The following SEC16A variants were observed in gnomAD, a reference collection of about 807,000 sequenced individuals.
SEC16A encodes protein transport protein Sec16A.
In SEC16A, 110 loss-of-function variants were observed where a neutral mutation model predicts 221.9. That is an observed-to-expected ratio of 0.50 (90% CI 0.42 to 0.58). The LOEUF (loss-of-function observed/expected upper bound fraction) is 0.58. Ranked by LOEUF, SEC16A falls within the 20% of genes least tolerant of loss-of-function variation. The pLI is 0.00. For missense variants in SEC16A, 3,165 were observed against 3,097.8 expected, an observed-to-expected ratio of 1.02 and a Z score of -0.52; for synonymous variants, 1,393 against 1,257.7, an observed-to-expected ratio of 1.11 and a Z score of -2.28.
chr9:136,465,984 G>C lies in SEC16A; in HGVS notation c.4281C>G (p.Thr1427=), dbSNP rs776846982. The C allele has an allele frequency of 6.2e-7, 1 of 1,613,328 alleles. No individual in the cohort carries two copies. The highest frequency in any genetic ancestry group is 1.3e-5 in the African/African-American group (1 of 75,058). The part of the protein sequence containing the change: ...GFPEYGYPAD[T]VWPAMEQVSS... ...CACCTTGCTCCATGGCAGGCCAGACGGTGTCGGCAGGGTAGCCATACTCTG... is the reference window on the plus strand; with the variant it reads ...CACCTTGCTCCATGGCAGGCCAGACCGTGTCGGCAGGGTAGCCATACTCTG... The change falls in exon 8 of 32, where the codon ACC becomes ACG. Residue 1427 remains threonine, a synonymous_variant. Coordinates refer to ENST00000684901, the MANE Select transcript of SEC16A (RefSeq NM_014866.2).
At position 136,476,781 on chromosome 9, in the gene SEC16A, C is replaced by T. The variant is rs770716419; in HGVS notation, c.835G>A (p.Gly279Arg). ...TGCAAGTGGCTCACCTCGTCTCTTC[C>T]GTCACTGGGCAAGGCTGCTGGGGGA... ...VAPPAALPSDGRDEVSHLQSG... is the reference protein window; with the variant it reads ...VAPPAALPSDRRDEVSHLQSG... Residue 279 changes from glycine (G) to arginine (R), a missense_variant, in exon 3 of 32, where the codon GGA becomes AGA. Coordinates refer to ENST00000684901, the MANE Select transcript of SEC16A (RefSeq NM_014866.2). 24 of 1,611,352 alleles carry T rather than the reference C, an allele frequency of 1.5e-5. No homozygotes were observed. The highest frequency in any genetic ancestry group is 1.7e-4 in the Middle Eastern group (1 of 6,034).
chr9:136,446,614 C>T (rs898278115), intron 28 of SEC16A, among the ~76,000 whole-genome samples: 1 of 152,170 alleles, frequency 6.6e-6, no homozygotes, highest in Non-Finnish European at 1.5e-5. Context: ...AGCACATTCA[C>T]CGTGCTGAGC....
In SEC16A at chr9:136,447,511, C is replaced by T; in HGVS notation, c.6559+58G>A. ...CCACGCACAACAGCTACACATTGGC[C>T]TCTCTCTCTGGGACAGTTAATCGTT... is the stretch of plus-strand genomic sequence containing the variant. On this transcript the variant is annotated intron_variant, in intron 26 of 31. Coordinates refer to ENST00000684901, the MANE Select transcript of SEC16A (RefSeq NM_014866.2). The surrounding 1 kb of genome is among the most constrained non-coding windows in gnomAD (Gnocchi z 5.5). 3.2e-6 allele frequency: 5 copies of T among 1,542,690 alleles called. No individual in the cohort carries two copies. Among genetic ancestry groups the T allele is most frequent in the Non-Finnish European group, 4.5e-6 (5 of 1,120,926 alleles).
rs141400933 is a variant in SEC16A at position 136,447,456 on chromosome 9, C to T, written c.6560-92G>A. The T allele has an allele frequency of 1.6e-4, 255 of 1,566,364 alleles. 1 individual carries two copies. The highest frequency in any genetic ancestry group is 1.0e-3 in the Middle Eastern group (6 of 6,006). On this transcript the variant is annotated intron_variant, in intron 26 of 31. Coordinates refer to ENST00000684901, the MANE Select transcript of SEC16A (RefSeq NM_014866.2). This position sits in a 1 kb window ranked among gnomAD's most constrained non-coding sequence, Gnocchi z 5.5. ...CGCTCACTGCGTCAGAGGAAAAGCA[C>T]GCAGGGACGTGCGGGAAGCCACCTC...
intron 20 of SEC16A, among the ~76,000 whole-genome samples, chr9:136,455,274 G>A (rs1022617941): frequency 2.0e-5 from 3 of 152,212 alleles, no homozygotes; most frequent in African/African-American, 4.8e-5. Context: ...CGAGGGCGCC[G>A]CCCAGACACG....
intron 3 of SEC16A, among the ~76,000 whole-genome samples, chr9:136,472,998 A>G (rs1841087412): frequency 6.6e-6 from 1 of 152,242 alleles, no homozygotes; most frequent in South Asian, 2.1e-4. Context: ...GCAGAGCTGA[A>G]TGTCCTTGTA....
chr9:136,463,165 A>G (rs1414222359), intron 11 of SEC16A, 33 bp from the exon 12 acceptor site: 1 of 1,602,388 alleles, frequency 6.2e-7, no homozygotes, highest in South Asian at 1.1e-5. Flanking sequence ...GAAGGAGAAC[A>G]ACGGCTCTCA....
At chr9:136,456,190 G>A (rs750297204) in intron 18 of SEC16A, 24 bp from the exon 19 acceptor site, 2 of 1,573,014 alleles carry the variant, frequency 1.3e-6, no homozygotes, top group Middle Eastern at 2.3e-4. Flanking sequence ...AAAATCAAAG[G>A]CCCCTGTCAC....
At chr9:136,464,677 C>T in intron 8 of SEC16A, 115 bp from the exon 9 acceptor site, 1 of 926,588 alleles carries the variant, frequency 1.1e-6, no homozygotes, top group Non-Finnish European at 1.6e-6. Context: ...TCACGACAGA[C>T]TTCCAACTCA....
In SEC16A at chr9:136,466,615, G is replaced by A. The variant is rs774251867; in HGVS notation, c.3930-153C>T. 2.0e-5 allele frequency among the ~76,000 whole-genome samples: 3 copies of A among 152,200 alleles called. No homozygotes were observed. Among genetic ancestry groups the A allele is most frequent in the Non-Finnish European group, 4.4e-5 (3 of 68,034 alleles). On this transcript the variant is annotated intron_variant, in intron 6 of 31. Coordinates refer to ENST00000684901, the MANE Select transcript of SEC16A (RefSeq NM_014866.2). This position sits in a 1 kb window ranked among gnomAD's most constrained non-coding sequence, Gnocchi z 5.5. ...CACTCAGGGCCCTCTGACGTGCAAC[G>A]TTAGAGAAGTACTGCGAATGCGTCT...
chr9:136,484,310 C>T, upstream of SEC16A: 1 of 1,083,714 alleles, frequency 9.2e-7, no homozygotes, highest in Non-Finnish European at 1.1e-6. Context: ...GGTAGGCGCT[C>T]CTGTGCCTGC....
At position 136,463,126 on chromosome 9, in the gene SEC16A, C is replaced by T; in HGVS notation, c.4654G>A (p.Val1552Ile). ...VLLCRQNGTV[V>I]GTDIAELLLR... ...AGAAGCTCCGCAATGTCGGTCCCTA[C>T]CACGGTCTGTTTGGGTCAACAGGAA... Residue 1552 changes from valine to isoleucine, a missense_variant, in exon 12 of 32, where the codon GTA becomes ATA. Transcript: ENST00000684901. 1 of 1,609,604 alleles carries T rather than the reference C, an allele frequency of 6.2e-7. No homozygotes were observed. The highest frequency in any genetic ancestry group is 8.5e-7 in the Non-Finnish European group (1 of 1,179,846).
Position 136,458,969 on chromosome 9 carries a change from T to G in SEC16A, c.5409+165A>C, listed in dbSNP as rs181969648. Among the ~76,000 whole-genome samples, 3 of 152,276 alleles carry G rather than the reference T, an allele frequency of 2.0e-5. No individual in the cohort carries two copies. The East Asian group carries it at 5.8e-4, about 29-fold the overall frequency. On this transcript the variant is annotated intron_variant, in intron 17 of 31. Transcript: ENST00000684901. ...AACGGAAAGCCTCAATTCAATGGGATCTTGTTTCTTAGCATTTTAGATCAA... is the reference window on the plus strand; with the variant it reads ...AACGGAAAGCCTCAATTCAATGGGAGCTTGTTTCTTAGCATTTTAGATCAA...
chr9:136,447,635 G>A lies in SEC16A; in HGVS notation c.6493C>T (p.Gln2165Ter). Residue 2165 changes from glutamine (Q) to a stop codon, truncating the protein, a stop_gained, in exon 26 of 32, where the codon CAA becomes TAA. Coordinates refer to ENST00000684901, the MANE Select transcript of SEC16A (RefSeq NM_014866.2). LOFTEE classifies it high-confidence loss of function. This position sits in a 1 kb window ranked among gnomAD's most constrained non-coding sequence, Gnocchi z 5.5. ...CCTGGGAGGGCAGGCGGGGCAGCTTGCACAGTCTTGGGCATCGAGGTTGGA... is the reference window on the plus strand; with the variant it reads ...CCTGGGAGGGCAGGCGGGGCAGCTTACACAGTCTTGGGCATCGAGGTTGGA... ...PPPTSMPKTV[Q>*]AAPPALPGPP... The A allele has an allele frequency of 6.2e-7, 1 of 1,613,794 alleles. No individual in the cohort carries two copies. The highest frequency in any genetic ancestry group is 8.5e-7 in the Non-Finnish European group (1 of 1,179,750).
rs1424485733 is a variant in SEC16A at position 136,463,704 on chromosome 9, G to A, written c.4483C>T (p.Arg1495Trp). ...TTGGCCAGGGGTCCCGGGAACGCCCGCATCTCCTCCTGCTCAGACGTGTGC... is the reference window on the plus strand; with the variant it reads ...TTGGCCAGGGGTCCCGGGAACGCCCACATCTCCTCCTGCTCAGACGTGTGC... ...LQHTSEQEEM[R>W]AFPGPLAKDD... The change falls in exon 10 of 32, where the codon CGG (arginine) becomes TGG (tryptophan). Residue 1495 changes from arginine (R) to tryptophan (W), a missense_variant. Coordinates refer to ENST00000684901, the MANE Select transcript of SEC16A (RefSeq NM_014866.2). 6 of 1,612,566 alleles carry A rather than the reference G, an allele frequency of 3.7e-6. No individual in the cohort carries two copies. The highest frequency in any genetic ancestry group is 3.3e-5 in the Admixed American group (2 of 60,006).
rs1232889582 is a variant in SEC16A, at chr9:136,463,049, T to C, written c.4731A>G (p.Ala1577=). The change falls in exon 12 of 32, where the codon GCA becomes GCG. Residue 1577 remains alanine (A), a synonymous_variant. Coordinates refer to ENST00000684901, the MANE Select transcript of SEC16A (RefSeq NM_014866.2). ...VWLPGKSPNE[A]NLIDFTNEAV... The stretch of plus-strand genomic sequence containing the variant: ...CCTCATTCGTGAAATCAATCAGGTT[T>C]GCTTCATTGGGCGACTTCCCAGGAA... 1.2e-6 allele frequency: 2 copies of C among 1,612,800 alleles called. No individual in the cohort carries two copies. Among genetic ancestry groups the C allele is most frequent in the Non-Finnish European group, 1.7e-6 (2 of 1,179,898 alleles).
intron 17 of SEC16A, among the ~76,000 whole-genome samples, chr9:136,458,157 CAG>C (rs1300982599): frequency 7.5e-6 from 1 of 132,490 alleles, no homozygotes; most frequent in East Asian, 2.1e-4. Flanking sequence ...TTTGTAGAGA[CAG>C]GGTGTTATTA....
chr9:136,459,733 T>C lies in SEC16A; in HGVS notation c.5191+24A>G, dbSNP rs1564489318. The C allele has an allele frequency of 4.5e-6, 7 of 1,562,548 alleles. No homozygotes were observed. Among genetic ancestry groups the C allele is most frequent in the Non-Finnish European group, 6.1e-6 (7 of 1,143,866 alleles). Reference sequence around the variant, plus strand: ...TCGGCGCTCCATCCGCGACACCCAATGCCCATCTCCACCCCTGACCTACCC... The same window carrying C: ...TCGGCGCTCCATCCGCGACACCCAACGCCCATCTCCACCCCTGACCTACCC... On this transcript the variant is annotated intron_variant, in intron 15 of 31. Coordinates refer to ENST00000684901, the MANE Select transcript of SEC16A (RefSeq NM_014866.2). This position sits in a 1 kb window ranked among gnomAD's most constrained non-coding sequence, Gnocchi z 6.1.
rs1358660945 is a variant in SEC16A at position 136,462,039 on chromosome 9, T to C, written c.4894-765A>G. Among the ~76,000 whole-genome samples, 3 of 150,792 alleles carry C rather than the reference T, an allele frequency of 2.0e-5. No individual in the cohort carries two copies. The East Asian group carries it at 5.8e-4, about 29-fold the overall frequency. On this transcript the variant is annotated intron_variant, in intron 12 of 31. Coordinates refer to ENST00000684901, the MANE Select transcript of SEC16A (RefSeq NM_014866.2). ...GGGAGGATCACTTGAACCCAGGAGGTCGAGGCCACATTAAGCTGTGATCAC... is the reference window on the plus strand; with the variant it reads ...GGGAGGATCACTTGAACCCAGGAGGCCGAGGCCACATTAAGCTGTGATCAC...
Sources: gnomAD v4.1 joint callset for allele counts (sites outside exome capture counted in the v4.1 genomes callset) on GRCh38, gnomAD v4.1.1 for gene constraint, Gnocchi (gnomAD v3.1) non-coding constraint, MANE v1.5 for transcripts, NCBI Gene and HGNC (gene_info 2026-07-23, HGNC 2026-07-21) for gene names.